KSR1: variants seen among roughly 807,000 people sequenced by gnomAD.
The protein encoded by KSR1 is kinase suppressor of ras 1.
Under a neutral mutation model 92.9 loss-of-function variants are expected in KSR1, and 35 were observed. That is an observed-to-expected ratio of 0.38 (90% CI 0.29 to 0.50). The LOEUF is 0.50. Ranked by LOEUF, KSR1 falls within the 20% of genes least tolerant of loss-of-function variation. The pLI, the probability that KSR1 is intolerant of heterozygous loss-of-function variation, is 0.94. For missense variants in KSR1, 972 were observed against 1,158.5 expected (o/e 0.84, Z 2.34); for synonymous variants, 467 against 472.6 (o/e 0.99, Z 0.15).
chr17:27,526,044 T>TTTCTTTTCTTTTCTTTTC (rs1555576232), intron 1 of KSR1, among the ~76,000 whole-genome samples: 1 of 122,878 alleles, frequency 8.1e-6, no homozygotes, highest in African/African-American at 3.4e-5. Flanking sequence ...TTTCTTTTCT[T>TTTCTTTTCTTTTCTTTTC]TCTCTCTCTC....
At chr17:27,595,681 C>T (rs566692951) in intron 9 of KSR1, among the ~76,000 whole-genome samples, 63 of 143,812 alleles carry the variant, frequency 4.4e-4, no homozygotes, top group African/African-American at 1.6e-3. Flanking sequence ...CTTCCCAGGG[C>T]TCCCTGCCCC....
intron 1 of KSR1, among the ~76,000 whole-genome samples, chr17:27,501,289 C>CTTT (rs1567768260): frequency 1.6e-4 from 7 of 43,572 alleles, no homozygotes; most frequent in Middle Eastern, 0.017. Context: ...AATTTCTTTT[C>CTTT]TTCTTTTTTT....
At chr17:27,588,973 C>G (rs921899683) in intron 6 of KSR1, among the ~76,000 whole-genome samples, 1 of 152,200 alleles carries the variant, frequency 6.6e-6, no homozygotes, top group African/African-American at 2.4e-5. Context: ...CCCCTCACCC[C>G]CAGTGTTGAT....
chr17:27,493,778 T>C (rs1327023078), intron 1 of KSR1, among the ~76,000 whole-genome samples: 2 of 151,896 alleles, frequency 1.3e-5, no homozygotes, highest in African/African-American at 4.8e-5. Context: ...AATAATGGGG[T>C]CGTGAGACCA....
At chr17:27,496,942 T>C (rs1050291023) in intron 1 of KSR1, among the ~76,000 whole-genome samples, 5 of 152,218 alleles carry the variant, frequency 3.3e-5, no homozygotes, top group African/African-American at 1.2e-4. Flanking sequence ...CTTTCATCAA[T>C]TGCACTCAGT....
intron 18 of KSR1, among the ~76,000 whole-genome samples, chr17:27,613,926 C>T (rs2073989055): frequency 6.6e-6 from 1 of 152,194 alleles, no homozygotes. Flanking sequence ...CCTCAGCCTC[C>T]AAGTAGCTGG....
intron 1 of KSR1, among the ~76,000 whole-genome samples, chr17:27,546,503 A>C (rs2071177858): frequency 6.6e-6 from 1 of 152,190 alleles, no homozygotes; most frequent in South Asian, 2.1e-4. Flanking sequence ...GAAGCTGTTA[A>C]CTGTAGTATG....
In KSR1 at chr17:27,622,259, T is replaced by C. The variant is rs2074245667; in HGVS notation, c.2708+986T>C. The stretch of plus-strand genomic sequence containing the variant: ...CCCGTGTTCTTCTGAGGGCTGGTCT[T>C]GTTTTTGTTTGGGTGGCTCTGTCTC... On this transcript the variant is annotated intron_variant, in intron 20 of 20. Coordinates refer to ENST00000644974, the MANE Select transcript of KSR1 (RefSeq NM_001394583.1). The C allele has an allele frequency of 1.0e-5, 4 of 400,548 alleles. No homozygotes were observed. In the South Asian group the frequency reaches 1.1e-4, roughly 11 times the overall value. 24.8% of individuals were successfully genotyped at this position (400,548 alleles called of 1,614,324 possible).
At chr17:27,571,059 G>A (rs974539442) in intron 2 of KSR1, among the ~76,000 whole-genome samples, 3 of 152,234 alleles carry the variant, frequency 2.0e-5, no homozygotes, top group African/African-American at 7.2e-5. Flanking sequence ...ACCCAGTCTG[G>A]CTCTTTGCTT....
At chr17:27,618,667 C>T (rs1229902868) in intron 19 of KSR1, among the ~76,000 whole-genome samples, 2 of 152,196 alleles carry the variant, frequency 1.3e-5, no homozygotes, top group Non-Finnish European at 2.9e-5. Flanking sequence ...GCCAGTAAGA[C>T]TTAATGCTGG....
chr17:27,591,030 C>A, intron 7 of KSR1, 136 bp downstream of exon 7: 1 of 704,058 alleles, frequency 1.4e-6, no homozygotes, highest in South Asian at 1.8e-5. Context: ...GGAGACTAAG[C>A]AAGTTACTCC....
chr17:27,598,254 CTG>C (rs1347635717), intron 10 of KSR1, among the ~76,000 whole-genome samples: 1 of 152,246 alleles, frequency 6.6e-6, no homozygotes, highest in Non-Finnish European at 1.5e-5. Flanking sequence ...AGGAAGGTGA[CTG>C]TGACACTCCT....
rs201790077 is a variant in KSR1 at position 27,605,662 on chromosome 17, G to T, written c.1843G>T (p.Ala615Ser). The T allele has an allele frequency of 6.2e-7, 1 of 1,612,242 alleles. No homozygotes were observed. Among genetic ancestry groups the T allele is most frequent in the South Asian group, 1.1e-5 (1 of 90,916 alleles). Reference protein sequence around the residue: ...VHRGRWHGEVAIRLLEMDGHN... With the variant: ...VHRGRWHGEVSIRLLEMDGHN... ...CCGCGGCCGCTGGCATGGCGAGGTGGCCATTCGCCTGCTGGAGATGGACGG... is the reference window on the plus strand; with the variant it reads ...CCGCGGCCGCTGGCATGGCGAGGTGTCCATTCGCCTGCTGGAGATGGACGG... The change falls in exon 14 of 21, where the codon GCC (alanine) becomes TCC (serine). Residue 615 changes from alanine to serine, a missense_variant. Transcript: ENST00000644974.
At chr17:27,472,594 A>G (rs917265773) in intron 1 of KSR1, among the ~76,000 whole-genome samples, 5 of 152,188 alleles carry the variant, frequency 3.3e-5, no homozygotes, top group Admixed American at 6.5e-5. Flanking sequence ...CGATTACCTG[A>G]GGTCAGGTGA....
intron 2 of KSR1, among the ~76,000 whole-genome samples, chr17:27,573,702 G>A (rs1276053367): frequency 6.6e-6 from 1 of 152,250 alleles, no homozygotes; most frequent in Admixed American, 6.5e-5. Context: ...CAAGTGGACA[G>A]CATGGAATAT....
intron 2 of KSR1, among the ~76,000 whole-genome samples, chr17:27,571,859 A>G (rs1301748894): frequency 6.6e-6 from 1 of 152,236 alleles, no homozygotes; most frequent in Non-Finnish European, 1.5e-5. Flanking sequence ...GACTGGCCAC[A>G]GGGAGTGTGG....
At chr17:27,581,453 CACAGAA>C (rs2072751597) in intron 3 of KSR1, among the ~76,000 whole-genome samples, 1 of 152,158 alleles carries the variant, frequency 6.6e-6, no homozygotes, top group Non-Finnish European at 1.5e-5. Flanking sequence ...TCTGACAGCA[CACAGAA>C]CTCTTCGTAG....
At chr17:27,537,713 A>G (rs1485577107) in intron 1 of KSR1, among the ~76,000 whole-genome samples, 1 of 152,190 alleles carries the variant, frequency 6.6e-6, no homozygotes, top group Non-Finnish European at 1.5e-5. Flanking sequence ...AAACAATAAA[A>G]TAAAAATACC....
chr17:27,613,418 A>T (rs1004811131), intron 18 of KSR1, among the ~76,000 whole-genome samples: 3 of 152,224 alleles, frequency 2.0e-5, no homozygotes, highest in Non-Finnish European at 4.4e-5. Context: ...ACCTCTCAGC[A>T]AAAAAGAGGG....
Sources: gnomAD v4.1 joint callset for allele counts (sites outside exome capture counted in the v4.1 genomes callset) on GRCh38, gnomAD v4.1.1 for gene constraint, MANE v1.5 for transcripts, NCBI Gene and HGNC (gene_info 2026-07-23, HGNC 2026-07-21) for gene names.